SUGT1: variants seen among roughly 807,000 people sequenced by gnomAD.
SUGT1 encodes the protein SGT1 assembly cochaperone of MIS12 kinetochore complex, also known as protein SGT1 homolog.
Under a neutral mutation model 56.1 loss-of-function variants are expected in SUGT1, and 15 were observed. The ratio of observed to expected loss-of-function variants is 0.27; its 90% CI spans 0.18 to 0.41. The LOEUF (loss-of-function observed/expected upper bound fraction) is 0.41, where lower values mean the gene tolerates loss of function less well. SUGT1 is among the 10% of genes least tolerant of loss of function. SUGT1 has a pLI of 1.00. For synonymous variants in SUGT1, 123 were observed against 128.6 expected (o/e 0.96, Z 0.30); for missense variants, 347 against 382.2 (o/e 0.91, Z 0.77).
chr13:52,667,972 C>CT (rs536634833), intron 10 of SUGT1, among the ~76,000 whole-genome samples: 4,066 of 144,270 alleles, frequency 0.028, 188 homozygotes, highest in African/African-American at 0.094. Flanking sequence ...TCCATTACTA[C>CT]TTTTTTTTTT....
chr13:52,662,075 C>T lies in SUGT1; in HGVS notation c.329-574C>T, dbSNP rs2138119701. The stretch of plus-strand genomic sequence containing the variant: ...TTATCTATAAATATATAATACATCA[C>T]CTATAGCCTCTCGACTGCCATGTAA... On this transcript the variant is annotated intron_variant, in intron 5 of 12. Coordinates refer to ENST00000310528, the MANE Select transcript of SUGT1 (RefSeq NM_006704.5). Among the ~76,000 whole-genome samples the T allele has an allele frequency of 1.3e-5, 2 of 152,274 alleles. 1 individual carries two copies. The highest frequency in any genetic ancestry group is 6.8e-3 in the Middle Eastern group (2 of 294).
chr13:52,657,737 A>G, intron 3 of SUGT1, 115 bp downstream of exon 3: 2 of 868,996 alleles, frequency 2.3e-6, no homozygotes, highest in Non-Finnish European at 3.5e-6. Flanking sequence ...TATACAAGGT[A>G]AAGTAGCTCA....
At chr13:52,660,343 A>G (rs1029687363) in intron 5 of SUGT1, among the ~76,000 whole-genome samples, 1 of 152,148 alleles carries the variant, frequency 6.6e-6, no homozygotes, top group Non-Finnish European at 1.5e-5. Context: ...ATAATCATGA[A>G]TGGTGGATGG....
At chr13:52,671,505 G>A (rs915156008) in intron 10 of SUGT1, among the ~76,000 whole-genome samples, 11 of 152,094 alleles carry the variant, frequency 7.2e-5, no homozygotes, top group Non-Finnish European at 1.3e-4. Context: ...TCCAGGCACT[G>A]TACTATGAAT....
chr13:52,667,613 T>A (rs1007458463), intron 10 of SUGT1, among the ~76,000 whole-genome samples: 10 of 152,118 alleles, frequency 6.6e-5, no homozygotes, highest in Non-Finnish European at 8.8e-5. Flanking sequence ...TACTCTATTA[T>A]GAGGGAACAA....
At position 52,673,349 on chromosome 13, in the gene SUGT1, T is replaced by A. The variant is rs1057287299; in HGVS notation, c.628-2881T>A. 8.5e-5 allele frequency among the ~76,000 whole-genome samples: 13 copies of A among 152,090 alleles called. No individual in the cohort carries two copies. The South Asian group carries it at 1.5e-3, about 17-fold the overall frequency. On this transcript the variant is annotated intron_variant, in intron 10 of 12. Transcript: ENST00000310528. ...GTGGCCTCAACCTCTTGGGCTCATG[T>A]GATCCTCCCACTTCAGCCTCCCAGA... is the stretch of plus-strand genomic sequence containing the variant.
intron 5 of SUGT1, among the ~76,000 whole-genome samples, chr13:52,660,439 G>A (rs1256010022): frequency 6.6e-6 from 1 of 152,144 alleles, no homozygotes; most frequent in Non-Finnish European, 1.5e-5. Context: ...GCCTAACAAA[G>A]AAGTATATGG....
chr13:52,664,178 A>C, intron 8 of SUGT1, 121 bp downstream of exon 8: 1 of 1,036,650 alleles, frequency 9.6e-7, no homozygotes, highest in East Asian at 2.6e-5. Context: ...TTGTTTTCTA[A>C]AATTGTGTAA....
intron 12 of SUGT1, among the ~76,000 whole-genome samples, chr13:52,681,252 C>CAAA (rs530162235): frequency 1.0e-5 from 1 of 97,878 alleles, no homozygotes; most frequent in African/African-American, 3.8e-5. Context: ...CCTATCTCTA[C>CAAA]AAAAAAAAAA....
At chr13:52,653,488 G>A (rs1251630951) in intron 2 of SUGT1, among the ~76,000 whole-genome samples, 1 of 152,128 alleles carries the variant, frequency 6.6e-6, no homozygotes, top group Admixed American at 6.5e-5. Flanking sequence ...ACGTAAAAGT[G>A]TCGGTATGAA....
intron 12 of SUGT1, among the ~76,000 whole-genome samples, chr13:52,684,529 ATCTATT>A (rs1268269486): frequency 6.7e-6 from 1 of 148,770 alleles, no homozygotes; most frequent in Non-Finnish European, 1.5e-5. Context: ...TTTGTCTATT[ATCTATT>A]TCTATCTATT....
chr13:52,668,830 C>CAA (rs56742664), intron 10 of SUGT1, among the ~76,000 whole-genome samples: 203 of 78,940 alleles, frequency 2.6e-3, no homozygotes, highest in African/African-American at 6.7e-3. Flanking sequence ...GACTCTGTCT[C>CAA]AAAAAAAAAA....
intron 3 of SUGT1, chr13:52,658,051 C>T: frequency 8.5e-7 from 1 of 1,178,574 alleles, no homozygotes; most frequent in Non-Finnish European, 1.1e-6. Context: ...ACAAGACCAC[C>T]TGTATTTAAA....
chr13:52,669,837 T>C (rs1458488785), intron 10 of SUGT1, among the ~76,000 whole-genome samples: 1 of 152,182 alleles, frequency 6.6e-6, no homozygotes, highest in Non-Finnish European at 1.5e-5. Context: ...AATCTTTGAA[T>C]TTCCTTTTTC....
chr13:52,657,449 AC>A, intron 2 of SUGT1, 82 bp from the exon 3 acceptor site: 1 of 1,143,552 alleles, frequency 8.7e-7, no homozygotes, highest in Non-Finnish European at 1.3e-6. Context: ...ACAATAAGTT[AC>A]TTGATTAAAA....
At chr13:52,678,681 GT>G (rs11325152) in intron 11 of SUGT1, among the ~76,000 whole-genome samples, 131,468 of 141,764 alleles carry the variant, frequency 0.93, 60,945 homozygotes, top group East Asian at 0.99. Context: ...TTTTTTGTTG[GT>G]TTTTTTTTTT....
At position 52,700,240 on chromosome 13, in the gene SUGT1, T is replaced by A. The variant is rs773903727; in HGVS notation, c.*12405T>A. ...ACCCAAATAAAGACTGCTATGTATT[T>A]GACTTTAAAACTATAAAGATGTAAA... On this transcript the variant is annotated 3_prime_UTR_variant, in exon 13 of 13. Coordinates refer to ENST00000310528, the MANE Select transcript of SUGT1 (RefSeq NM_006704.5). 8 of 152,186 alleles carry A rather than the reference T, an allele frequency of 5.3e-5. No homozygotes were observed. The highest frequency in any genetic ancestry group is 4.4e-5 in the Non-Finnish European group (3 of 68,022). 9.4% of individuals were successfully genotyped at this position (152,186 alleles called of 1,614,324 possible).
intron 10 of SUGT1, among the ~76,000 whole-genome samples, chr13:52,669,581 A>G (rs1054389326): frequency 1.1e-4 from 17 of 152,192 alleles, no homozygotes; most frequent in African/African-American, 4.1e-4. Flanking sequence ...CTGATTGCCA[A>G]CCAAACTAGT....
chr13:52,676,075 T>C (rs1963130903), intron 10 of SUGT1, among the ~76,000 whole-genome samples, 155 bp from the exon 11 acceptor site: 1 of 152,240 alleles, frequency 6.6e-6, no homozygotes, highest in Non-Finnish European at 1.5e-5. Context: ...GAAACAAAAT[T>C]GTTTCATAGT....
Sources: allele counts gnomAD v4.1 joint callset (sites outside exome capture counted in the v4.1 genomes callset), GRCh38; gene constraint gnomAD v4.1.1; transcripts MANE v1.5; gene names NCBI Gene and HGNC (gene_info 2026-07-23, HGNC 2026-07-21).